Variants in RADIL observed in about 807,000 individuals in gnomAD.
The protein encoded by RADIL is ras-associating and dilute domain-containing protein.
A neutral mutation model predicts 97.6 loss-of-function variants in RADIL; 99 were observed. The observed-to-expected ratio is 1.01, with a 90% CI of 0.86 to 1.20. RADIL has a LOEUF of 1.20. RADIL is among the 50% of genes most tolerant of loss of function. RADIL has a pLI of 0.00. For missense variants in RADIL, 1,765 were observed against 1,498.9 expected (o/e 1.18, Z -2.93); for synonymous variants, 803 against 691.8 (o/e 1.16, Z -2.52).
chr7:4,808,092 CTCCTTCT>C (rs1365918528), intron 9 of RADIL, among the ~76,000 whole-genome samples: 1 of 136,438 alleles, frequency 7.3e-6, no homozygotes, highest in Non-Finnish European at 1.6e-5. Context: ...CCCCTCCCTC[CTCCTTCT>C]TCCTCTCTTC....
In RADIL at chr7:4,801,923, G is replaced by A. The variant is rs756137615; in HGVS notation, c.2572C>T (p.Pro858Ser). ...SCPLAPRDPG[P>S]AAREVAPERT... ...TCCGGGGCCACTTCCCGGGCTGCTG[G>A]GCCAGGGTCCCTGGGAGCCAGGGGG... is the stretch of plus-strand genomic sequence containing the variant. Residue 858 changes from proline to serine, a missense_variant, in exon 12 of 15, where the codon CCA becomes TCA. Transcript: ENST00000399583. 2.6e-6 allele frequency: 4 copies of A among 1,567,898 alleles called. No homozygotes were observed. In the African/African-American group the frequency reaches 5.5e-5, roughly 21 times the overall value.
rs1168323947 is a variant in RADIL, at chr7:4,867,240, T to C, written c.535+10365A>G. Among the ~76,000 whole-genome samples the C allele has an allele frequency of 2.6e-5, 4 of 152,164 alleles. No homozygotes were observed. The highest frequency in any genetic ancestry group is 4.4e-5 in the Non-Finnish European group (3 of 68,032). On this transcript the variant is annotated intron_variant, in intron 2 of 14. Transcript: ENST00000399583. This position sits in a 1 kb window ranked among gnomAD's most constrained non-coding sequence, Gnocchi z 4.1. ...TTCTGAGGAAGCTGCTGTCCAGCCA[T>C]GCTCACCAGGAAATGACATGCACAT...
chr7:4,803,080 C>T (rs559872832), intron 11 of RADIL, among the ~76,000 whole-genome samples: 10 of 72,592 alleles, frequency 1.4e-4, no homozygotes, highest in African/African-American at 9.4e-4. Context: ...GGCTGGGTCC[C>T]CTCCCCGGGC....
At position 4,880,517 on chromosome 7, in the gene RADIL, C is replaced by A. The variant is rs911273159; in HGVS notation, c.-64-2314G>T. Among the ~76,000 whole-genome samples the A allele has an allele frequency of 3.9e-5, 6 of 152,222 alleles. No homozygotes were observed. Among genetic ancestry groups the A allele is most frequent in the Non-Finnish European group, 7.3e-5 (5 of 68,046 alleles). ...CCCCTCAAAGAGCCTCTCCAGCCGGCACTTATTAACCATCCATGAGAGCTG... is the reference window on the plus strand; with the variant it reads ...CCCCTCAAAGAGCCTCTCCAGCCGGAACTTATTAACCATCCATGAGAGCTG... On this transcript the variant is annotated intron_variant, in intron 1 of 14. Transcript: ENST00000399583. The surrounding 1 kb of genome is among the most constrained non-coding windows in gnomAD (Gnocchi z 4.5).
chr7:4,797,968 C>T lies in RADIL; in HGVS notation c.*1410G>A, dbSNP rs1036164620. The T allele has an allele frequency of 3.4e-5, 5 of 148,538 alleles. No individual in the cohort carries two copies. Among genetic ancestry groups the T allele is most frequent in the Non-Finnish European group, 7.4e-5 (5 of 67,502 alleles). The allele number at this position is 148,538 out of a possible 1,614,324, so 9.2% of individuals were successfully genotyped here. A position where few individuals can be genotyped will look rare whatever the true frequency, so the allele number is the denominator to read the frequency against. ...CAGCCTGGGTCACAGAGCGAGACTC[C>T]GTCTCATAAAAAAAAATTAAATATT... is the stretch of plus-strand genomic sequence containing the variant. On this transcript the variant is annotated 3_prime_UTR_variant, in exon 15 of 15. Transcript: ENST00000399583.
At chr7:4,871,101 G>A (rs1784243123) in intron 2 of RADIL, among the ~76,000 whole-genome samples, 1 of 152,164 alleles carries the variant, frequency 6.6e-6, no homozygotes, top group Non-Finnish European at 1.5e-5. Context: ...GGTGAAAAAA[G>A]GTTTGGGGTT....
At chr7:4,870,080 C>T (rs1266917435) in intron 2 of RADIL, among the ~76,000 whole-genome samples, 2 of 152,210 alleles carry the variant, frequency 1.3e-5, no homozygotes, top group Non-Finnish European at 2.9e-5. Flanking sequence ...ATCGAGGCTG[C>T]AGTGAGCCAT....
At chr7:4,882,961 A>G (rs977824771) in intron 1 of RADIL, among the ~76,000 whole-genome samples, 5 of 151,794 alleles carry the variant, frequency 3.3e-5, no homozygotes, top group Non-Finnish European at 7.4e-5. Flanking sequence ...CCCCACCAAC[A>G]GGCTCCTCCT....
Position 4,815,872 on chromosome 7 carries a change from C to T in RADIL, c.1966+356G>A, listed in dbSNP as rs756268372. Reference sequence around the variant, plus strand: ...CAAGGCAGGGTCCAAGGCCAGAGTCCGCGGCTGCACAGACCTGGGTTCCAT... The same window carrying T: ...CAAGGCAGGGTCCAAGGCCAGAGTCTGCGGCTGCACAGACCTGGGTTCCAT... On this transcript the variant is annotated intron_variant, in intron 8 of 14. Coordinates refer to ENST00000399583, the MANE Select transcript of RADIL (RefSeq NM_018059.5). The surrounding 1 kb of genome is among the most constrained non-coding windows in gnomAD (Gnocchi z 8.0). 1.3e-5 allele frequency among the ~76,000 whole-genome samples: 2 copies of T among 152,180 alleles called. No homozygotes were observed. The highest frequency in any genetic ancestry group is 1.5e-5 in the Non-Finnish European group (1 of 68,018).
Position 4,861,511 on chromosome 7 carries a change from C to G in RADIL, c.535+16094G>C, listed in dbSNP as rs142317142. On this transcript the variant is annotated intron_variant, in intron 2 of 14. Coordinates refer to ENST00000399583, the MANE Select transcript of RADIL (RefSeq NM_018059.5). ...GTACTCCTAATCTGTAAGAGCCAAA[C>G]GTAAAAATCTTTCCTCCAACGTTTT... The G allele has an allele frequency of 1.8e-3, 2,911 of 1,614,026 alleles. 4 individuals are homozygous for G. Among genetic ancestry groups the G allele is most frequent in the Non-Finnish European group, 2.4e-3 (2,796 of 1,179,884 alleles).
In RADIL at chr7:4,822,564, C is replaced by T; in HGVS notation, c.1455-10G>A. The stretch of plus-strand genomic sequence containing the variant: ...CGAGATGGGCTCCTGGCTACCAAGA[C>T]AGAAAGACTAAGAGTTACGCGGGGA... On this transcript the variant is annotated splice_polypyrimidine_tract_variant and intron_variant, in intron 5 of 14. Transcript: ENST00000399583. This position sits in a 1 kb window ranked among gnomAD's most constrained non-coding sequence, Gnocchi z 5.3. The T allele has an allele frequency of 1.9e-6, 3 of 1,612,074 alleles. No individual in the cohort carries two copies. Among genetic ancestry groups the T allele is most frequent in the Non-Finnish European group, 2.5e-6 (3 of 1,179,552 alleles).
In RADIL at chr7:4,873,041, G is replaced by C. The variant is rs1466357767; in HGVS notation, c.535+4564C>G. Among the ~76,000 whole-genome samples, 1 of 152,148 alleles carries C rather than the reference G, an allele frequency of 6.6e-6. No individual in the cohort carries two copies. Among genetic ancestry groups the C allele is most frequent in the Non-Finnish European group, 1.5e-5 (1 of 68,010 alleles). On this transcript the variant is annotated intron_variant, in intron 2 of 14. Transcript: ENST00000399583. This position sits in a 1 kb window ranked among gnomAD's most constrained non-coding sequence, Gnocchi z 4.3. The stretch of plus-strand genomic sequence containing the variant: ...CAACCTCCGCCTCCTGGGTTCAAGC[G>C]ATTCTCTGCCTCCCAAGTAGCTGGG...
At position 4,822,541 on chromosome 7, in the gene RADIL, A is replaced by C; in HGVS notation, c.1468T>G (p.Ser490Ala). ...TCAGCCATGGCGCAGCTGGCCAGCG[A>C]GATGGGCTCCTGGCTACCAAGACAG... ...EKQAQLQEPI[S>A]LASCAMADLV... The change falls in exon 6 of 15, where the codon TCG becomes GCG. Residue 490 changes from serine to alanine, a missense_variant. Physicochemically the swap from Ser to Ala is moderately conservative, Grantham distance 99. Coordinates refer to ENST00000399583, the MANE Select transcript of RADIL (RefSeq NM_018059.5). This position sits in a 1 kb window ranked among gnomAD's most constrained non-coding sequence, Gnocchi z 5.3. 1.2e-6 allele frequency: 2 copies of C among 1,612,926 alleles called. No homozygotes were observed. Among genetic ancestry groups the C allele is most frequent in the Non-Finnish European group, 1.7e-6 (2 of 1,179,926 alleles).
chr7:4,797,233 G>C lies in RADIL; in HGVS notation c.*2145C>G, dbSNP rs1781950847. ...TAGGTGCTTCAGCGGCCAGAGGCTA[G>C]CTGGGCCTCCCCGACTCCACGGGGC... On this transcript the variant is annotated 3_prime_UTR_variant, in exon 15 of 15. Coordinates refer to ENST00000399583, the MANE Select transcript of RADIL (RefSeq NM_018059.5). The C allele has an allele frequency of 6.6e-6, 1 of 152,296 alleles. No individual in the cohort carries two copies. The highest frequency in any genetic ancestry group is 2.4e-5 in the African/African-American group (1 of 41,468). The allele number at this position is 152,296 out of a possible 1,614,324, so 9.4% of individuals were successfully genotyped here.
chr7:4,869,539 T>A lies in RADIL; in HGVS notation c.535+8066A>T, dbSNP rs1165447955. The stretch of plus-strand genomic sequence containing the variant: ...ATTTAGAGGAAGGACCCAATTTCCT[T>A]TTTTTTTTTTTTCCATATAGCTGAA... On this transcript the variant is annotated intron_variant, in intron 2 of 14. Coordinates refer to ENST00000399583, the MANE Select transcript of RADIL (RefSeq NM_018059.5). Among the ~76,000 whole-genome samples the A allele has an allele frequency of 3.7e-4, 19 of 52,030 alleles. No individual in the cohort carries two copies. The East Asian group carries it at 4.7e-3, about 13-fold the overall frequency. The allele number at this position is 52,030 out of a possible 152,430, so 34.1% of individuals were successfully genotyped here.
chr7:4,810,859 G>C (rs754576653), intron 9 of RADIL, among the ~76,000 whole-genome samples: 8 of 152,230 alleles, frequency 5.3e-5, no homozygotes, highest in African/African-American at 1.9e-4. Flanking sequence ...GATTAGGCCG[G>C]GCGTGGTGGC....
intron 4 of RADIL, among the ~76,000 whole-genome samples, chr7:4,833,071 A>C (rs1373622054): frequency 1.3e-5 from 2 of 152,052 alleles, no homozygotes; most frequent in Non-Finnish European, 2.9e-5. Flanking sequence ...CAGAGCCTGT[A>C]GCATAGGGGC....
chr7:4,838,646 T>C (rs2115006658), intron 2 of RADIL, among the ~76,000 whole-genome samples: 1 of 152,298 alleles, frequency 6.6e-6, no homozygotes, highest in Non-Finnish European at 1.5e-5. Context: ...CAGGGTCTCC[T>C]TCCTGGTGCT....
chr7:4,840,605 G>T lies in RADIL; in HGVS notation c.536-4000C>A, dbSNP rs1783414843. Among the ~76,000 whole-genome samples, 1 of 152,128 alleles carries T rather than the reference G, an allele frequency of 6.6e-6. No individual in the cohort carries two copies. Among genetic ancestry groups the T allele is most frequent in the African/African-American group, 2.4e-5 (1 of 41,420 alleles). On this transcript the variant is annotated intron_variant, in intron 2 of 14. Transcript: ENST00000399583. This position sits in a 1 kb window ranked among gnomAD's most constrained non-coding sequence, Gnocchi z 5.6. Reference sequence around the variant, plus strand: ...TTGCCAAGAACAGGGTCACCCCAGGGGCCCTTATGCTACCAATGGGAGATT... The same window carrying T: ...TTGCCAAGAACAGGGTCACCCCAGGTGCCCTTATGCTACCAATGGGAGATT...
Sources: gnomAD v4.1 joint callset for allele counts (sites outside exome capture counted in the v4.1 genomes callset) on GRCh38, gnomAD v4.1.1 for gene constraint, Gnocchi (gnomAD v3.1) non-coding constraint, MANE v1.5 for transcripts, NCBI Gene and HGNC (gene_info 2026-07-23, HGNC 2026-07-21) for gene names.